The following ABCC1 variants were observed in gnomAD, a reference collection of about 807,000 sequenced individuals.
ABCC1 encodes the protein ATP binding cassette subfamily C member 1 (ABCC1 blood group), also known as multidrug resistance-associated protein 1.
In ABCC1, 83 loss-of-function variants were observed where a neutral mutation model predicts 172.9. That is an observed-to-expected ratio of 0.48 (90% CI 0.40 to 0.58). The LOEUF (loss-of-function observed/expected upper bound fraction) is 0.58, where lower values mean the gene tolerates loss of function less well. Among genes scored for constraint, ABCC1 ranks in the 20% least tolerant of loss-of-function variants. The pLI is 0.00. For synonymous variants in ABCC1, 937 were observed against 825.2 expected, an observed-to-expected ratio of 1.14 and a Z score of -2.32; for missense variants, 1,817 against 2,002.7, an observed-to-expected ratio of 0.91 and a Z score of 1.77.
chr16:16,088,139 G>A (rs201079352), intron 18 of ABCC1, among the ~76,000 whole-genome samples: 42 of 151,686 alleles, frequency 2.8e-4, no homozygotes, highest in South Asian at 2.5e-3. Flanking sequence ...GTGTGTGTGT[G>A]TGTGTGTGTG....
chr16:16,141,086 G>A, intron 30 of ABCC1, 87 bp from the exon 31 acceptor site: 1 of 1,150,538 alleles, frequency 8.7e-7, no homozygotes, highest in Non-Finnish European at 1.3e-6. Flanking sequence ...CTGACCCGAA[G>A]CAGTGACTTG....
chr16:16,048,315 A>G lies in ABCC1; in HGVS notation c.1380+12A>G, dbSNP rs958989613. 1 of 1,613,484 alleles carries G rather than the reference A, an allele frequency of 6.2e-7. No homozygotes were observed. The highest frequency in any genetic ancestry group is 1.3e-5 in the African/African-American group (1 of 74,894). On this transcript the variant is annotated intron_variant, in intron 10 of 30. Transcript: ENST00000399410. The stretch of plus-strand genomic sequence containing the variant: ...ACCTCCTGTGGCTGGTGTGTGTTTA[A>G]CGCCGTTTCCCTTTGCATGCAGGGA...
chr16:16,124,395 GTGTGT>G (rs1567432403), intron 24 of ABCC1, among the ~76,000 whole-genome samples: 7 of 133,258 alleles, frequency 5.3e-5, no homozygotes, highest in Admixed American at 8.4e-5. Flanking sequence ...GTGTGTGTGT[GTGTGT>G]GTGTGTGTGT....
Position 16,036,459 on chromosome 16 carries a change from G to T in ABCC1, c.678-13G>T. On this transcript the variant is annotated splice_polypyrimidine_tract_variant and intron_variant, in intron 6 of 30. Transcript: ENST00000399410. ...GACTCTCATTGCCTAACCCCCTTGT[G>T]TCTTGGCCCCAGGTTGATTGTCCGG... The T allele has an allele frequency of 6.2e-7, 1 of 1,610,814 alleles. No homozygotes were observed. The highest frequency in any genetic ancestry group is 8.5e-7 in the Non-Finnish European group (1 of 1,178,332).
chr16:16,073,396 C>T (rs73519959), intron 14 of ABCC1, among the ~76,000 whole-genome samples: 2,920 of 152,294 alleles, frequency 0.019, 103 homozygotes, highest in African/African-American at 0.066. Context: ...TCTGTGTGCA[C>T]TGCCTCATAG....
intron 1 of ABCC1, among the ~76,000 whole-genome samples, chr16:15,993,892 C>G (rs2046962430): frequency 6.6e-6 from 1 of 152,110 alleles, no homozygotes; most frequent in African/African-American, 2.4e-5. Context: ...ATCTTGCCTC[C>G]AAGCGACCTC....
At chr16:16,133,906 C>G (rs943238850) in intron 27 of ABCC1, among the ~76,000 whole-genome samples, 4 of 152,112 alleles carry the variant, frequency 2.6e-5, no homozygotes, top group Non-Finnish European at 5.9e-5. Flanking sequence ...GAGACCAGGT[C>G]ATAGCAAAGG....
chr16:16,052,936 G>T, intron 11 of ABCC1, 120 bp downstream of exon 11: 1 of 910,482 alleles, frequency 1.1e-6, no homozygotes. Context: ...CTGCCAGTTG[G>T]ACTCACTTGG....
chr16:16,103,936 G>A (rs923924180), intron 20 of ABCC1, among the ~76,000 whole-genome samples: 2 of 152,216 alleles, frequency 1.3e-5, no homozygotes, highest in Non-Finnish European at 2.9e-5. Flanking sequence ...TCTGCTGTTC[G>A]GATGTGTTCG....
chr16:16,106,833 C>G lies in ABCC1; in HGVS notation c.2831C>G (p.Thr944Ser). 1 of 1,614,062 alleles carries G rather than the reference C, an allele frequency of 6.2e-7. No individual in the cohort carries two copies. The highest frequency in any genetic ancestry group is 1.7e-5 in the Admixed American group (1 of 60,006). ...AAAGCTGAGGCCAAGAAGGAGGAGA[C>G]CTGGAAGCTGATGGAGGCTGACAAG... is the stretch of plus-strand genomic sequence containing the variant. The part of the protein sequence containing the change: ...LQKAEAKKEE[T>S]WKLMEADKAQ... Residue 944 changes from threonine (T) to serine (S), a missense_variant, in exon 21 of 31, where the codon ACC becomes AGC. Physicochemically the swap from Thr to Ser is moderately conservative, Grantham distance 58. Around this residue, in one of 3 missense-constraint regions of ABCC1, gnomAD observed 1,412 missense variants for 1,600.3 expected, o/e 0.88. Transcript: ENST00000399410.
intron 12 of ABCC1, among the ~76,000 whole-genome samples, chr16:16,062,514 C>T (rs886236511): frequency 1.1e-4 from 16 of 152,068 alleles, no homozygotes; most frequent in Admixed American, 3.3e-4. Flanking sequence ...GCCCGGCTAC[C>T]GGCTTTACTT....
chr16:16,134,314 G>C, intron 27 of ABCC1, 36 bp from the exon 28 acceptor site: 4 of 1,611,300 alleles, frequency 2.5e-6, no homozygotes, highest in Non-Finnish European at 3.4e-6. Context: ...CCGGATGCCA[G>C]CATTCCCACC....
chr16:16,039,358 C>T (rs139763890), intron 7 of ABCC1, among the ~76,000 whole-genome samples: 1,414 of 138,004 alleles, frequency 0.01, 16 homozygotes, highest in African/African-American at 0.035. Context: ...ACCTCTGCCT[C>T]TCGGGTTCAA....
chr16:16,057,702 C>T (rs976932773), intron 12 of ABCC1, among the ~76,000 whole-genome samples: 3 of 152,224 alleles, frequency 2.0e-5, no homozygotes, highest in East Asian at 1.9e-4. Context: ...TCATACTGTA[C>T]ATAGTGTTCT....
intron 26 of ABCC1, among the ~76,000 whole-genome samples, chr16:16,129,161 C>T (rs544866730): frequency 1.1e-4 from 17 of 152,132 alleles, no homozygotes; most frequent in Admixed American, 1.3e-4. Flanking sequence ...TTGCTTGTTT[C>T]TTTTTCTTTT....
chr16:16,086,967 C>A lies in ABCC1; in HGVS notation c.2436C>A (p.Gly812=), dbSNP rs547627005. Residue 812 remains glycine, a synonymous_variant, in exon 18 of 31, where the codon GGC becomes GGA. Transcript: ENST00000399410. ...VGKHIFENVI[G]PKGMLKNKTR... is the part of the protein sequence containing the mutation. ...AACACATCTTTGAAAATGTGATTGG[C>A]CCCAAGGGGATGCTGAAGAACAAGG... is the stretch of plus-strand genomic sequence containing the variant. 1.2e-6 allele frequency: 2 copies of A among 1,614,144 alleles called. No individual in the cohort carries two copies. Among genetic ancestry groups the A allele is most frequent in the Middle Eastern group, 1.7e-4 (1 of 6,052 alleles).
chr16:16,022,014 G>A (rs1208046743), intron 5 of ABCC1, among the ~76,000 whole-genome samples: 1 of 152,212 alleles, frequency 6.6e-6, no homozygotes, highest in Non-Finnish European at 1.5e-5. Context: ...CACTCTCAGG[G>A]ATTGAATCAC....
At chr16:16,102,767 G>A (rs1250483819) in intron 20 of ABCC1, 50 bp downstream of exon 20, 4 of 1,531,594 alleles carry the variant, frequency 2.6e-6, no homozygotes, top group Non-Finnish European at 3.5e-6. Context: ...CCTGCCAGTG[G>A]GAGGACAAGA....
intron 20 of ABCC1, among the ~76,000 whole-genome samples, chr16:16,106,057 A>G (rs1273105390): frequency 6.6e-6 from 1 of 151,802 alleles, no homozygotes; most frequent in Non-Finnish European, 1.5e-5. Context: ...TTGTATTTTT[A>G]GTAGAGACGG....
Sources: gnomAD v4.1 joint callset for allele counts (sites outside exome capture counted in the v4.1 genomes callset) on GRCh38, gnomAD v4.1.1 for gene constraint, gnomAD v4.1.1 regional missense constraint, MANE v1.5 for transcripts, NCBI Gene and HGNC (gene_info 2026-07-23, HGNC 2026-07-21) for gene names.